Variants in DPYD observed in about 807,000 individuals in gnomAD.
DPYD encodes dihydropyrimidine dehydrogenase [NADP(+)].
DPYD carries 109 observed loss-of-function variants against 116.2 expected under a neutral mutation model. The observed-to-expected ratio is 0.94, with a 90% CI of 0.80 to 1.10. The LOEUF is 1.10. DPYD is among the 50% of genes least tolerant of loss of function. The pLI is 0.00. For synonymous variants in DPYD, 440 were observed against 432.0 expected, an observed-to-expected ratio of 1.02 and a Z score of -0.23; for missense variants, 1,302 against 1,254.5, an observed-to-expected ratio of 1.04 and a Z score of -0.57.
intron 18 of DPYD, among the ~76,000 whole-genome samples, chr1:97,277,006 C>A (rs1570407684): frequency 6.6e-6 from 1 of 152,266 alleles, no homozygotes; most frequent in Middle Eastern, 3.4e-3. Flanking sequence ...TACATACACA[C>A]CATGGAATAC....
chr1:97,822,352 A>G (rs1207716179), intron 3 of DPYD, among the ~76,000 whole-genome samples: 1 of 148,064 alleles, frequency 6.8e-6, no homozygotes. Flanking sequence ...TATACTTTAT[A>G]AATTTATAAA....
intron 8 of DPYD, among the ~76,000 whole-genome samples, chr1:97,606,339 C>T (rs1655597039): frequency 6.6e-6 from 1 of 151,766 alleles, no homozygotes; most frequent in South Asian, 2.1e-4. Context: ...GGAAGAAGGA[C>T]ATGTAATAAA....
At chr1:97,860,948 A>AT (rs1362859836) in intron 2 of DPYD, among the ~76,000 whole-genome samples, 1 of 151,974 alleles carries the variant, frequency 6.6e-6, no homozygotes, top group Non-Finnish European at 1.5e-5. Context: ...ATCTTTTGAG[A>AT]TAAAATCTAG....
chr1:97,194,693 CG>C (rs1381963807), intron 19 of DPYD, among the ~76,000 whole-genome samples: 7 of 151,768 alleles, frequency 4.6e-5, no homozygotes, highest in African/African-American at 1.5e-4. Context: ...TTAGTAGGAA[CG>C]GGGTTTCACC....
chr1:97,203,395 T>C (rs1168381690), intron 19 of DPYD, among the ~76,000 whole-genome samples: 2 of 146,298 alleles, frequency 1.4e-5, no homozygotes, highest in Non-Finnish European at 3.0e-5. Context: ...AAATACCAGA[T>C]AGAGTTTGAT....
At chr1:97,094,916 T>G (rs1570444096) in intron 21 of DPYD, among the ~76,000 whole-genome samples, 3 of 152,076 alleles carry the variant, frequency 2.0e-5, no homozygotes, top group Admixed American at 1.3e-4. Flanking sequence ...CTGAACTCAG[T>G]GATTTTCTCA....
chr1:97,353,293 T>C (rs1320174664), intron 16 of DPYD, among the ~76,000 whole-genome samples: 1 of 152,120 alleles, frequency 6.6e-6, no homozygotes, highest in Non-Finnish European at 1.5e-5. Flanking sequence ...GATGGCTTAA[T>C]GATCTACCAT....
chr1:97,221,172 CAGAT>C (rs948806448), intron 19 of DPYD, among the ~76,000 whole-genome samples: 48 of 152,294 alleles, frequency 3.2e-4, no homozygotes, highest in African/African-American at 1.0e-3. Flanking sequence ...AAACTACTCA[CAGAT>C]AGAGCTCAAG....
intron 3 of DPYD, among the ~76,000 whole-genome samples, chr1:97,822,679 C>A (rs1669015693): frequency 6.6e-6 from 1 of 152,104 alleles, no homozygotes. Context: ...TTTCAATCCT[C>A]TGAGAATGTG....
chr1:97,740,331 G>GATT, intron 4 of DPYD, 61 bp downstream of exon 4: 3 of 1,389,652 alleles, frequency 2.2e-6, no homozygotes. Flanking sequence ...TGTACCCACA[G>GATT]ATAATAGAGA....
At position 97,485,980 on chromosome 1, in the gene DPYD, G is replaced by A. The variant is rs1293030554; in HGVS notation, c.1740+29746C>T. On this transcript the variant is annotated intron_variant, in intron 13 of 22. Transcript: ENST00000370192. ...TATTGCAATATTGACATGGAATAGAGATTGGGAGAATAAGTATGAAGTATG... is the reference window on the plus strand; with the variant it reads ...TATTGCAATATTGACATGGAATAGAAATTGGGAGAATAAGTATGAAGTATG... 1.1e-4 allele frequency among the ~76,000 whole-genome samples: 16 copies of A among 152,150 alleles called. 1 individual carries two copies. Among genetic ancestry groups the A allele is most frequent in the Non-Finnish European group, 2.4e-4 (16 of 68,022 alleles).
intron 1 of DPYD, among the ~76,000 whole-genome samples, chr1:97,887,090 A>G (rs1571532403): frequency 6.6e-6 from 1 of 152,202 alleles, no homozygotes. Flanking sequence ...TGATAAAACC[A>G]GGGACACCCA....
chr1:97,305,218 A>G (rs1423359349), intron 18 of DPYD, 41 bp downstream of exon 18: 1 of 1,611,156 alleles, frequency 6.2e-7, no homozygotes, highest in East Asian at 2.2e-5. Flanking sequence ...TTTTTCAGCA[A>G]CCTCCAAGAA....
intron 16 of DPYD, among the ~76,000 whole-genome samples, chr1:97,331,701 AC>A (rs1669018724): frequency 6.6e-6 from 1 of 152,204 alleles, no homozygotes; most frequent in South Asian, 2.1e-4. Flanking sequence ...AAGTATTATA[AC>A]ATTTAGCTTT....
At chr1:97,750,112 T>C (rs1226534898) in intron 3 of DPYD, among the ~76,000 whole-genome samples, 2 of 152,242 alleles carry the variant, frequency 1.3e-5, no homozygotes, top group African/African-American at 2.4e-5. Context: ...AAAAAACTAA[T>C]ATATATTTTT....
Position 97,766,467 on chromosome 1 carries a change from G to A in DPYD, c.234-25988C>T, listed in dbSNP as rs146940344. Reference sequence around the variant, plus strand: ...ATATAGAGAGGCCAAGGATTGCTGAGTTGGAAAATAAAATTGTTTTTCCTT... The same window carrying A: ...ATATAGAGAGGCCAAGGATTGCTGAATTGGAAAATAAAATTGTTTTTCCTT... On this transcript the variant is annotated intron_variant, in intron 3 of 22. Transcript: ENST00000370192. 8.5e-3 allele frequency among the ~76,000 whole-genome samples: 1,291 copies of A among 152,152 alleles called. 15 individuals carry two copies. The highest frequency in any genetic ancestry group is 0.029 in the African/African-American group (1,188 of 41,528).
intron 1 of DPYD, among the ~76,000 whole-genome samples, chr1:97,885,664 T>C (rs893849970): frequency 2.0e-5 from 3 of 152,054 alleles, no homozygotes; most frequent in Non-Finnish European, 4.4e-5. Flanking sequence ...CAGCTACTAC[T>C]CTCTCAATAC....
intron 16 of DPYD, among the ~76,000 whole-genome samples, chr1:97,334,486 C>G (rs1252606013): frequency 7.2e-6 from 1 of 139,700 alleles, no homozygotes; most frequent in Non-Finnish European, 1.6e-5. Context: ...AAAACAATAG[C>G]AGAATTACGG....
At chr1:97,313,822 T>C (rs1273588885) in intron 16 of DPYD, among the ~76,000 whole-genome samples, 1 of 151,924 alleles carries the variant, frequency 6.6e-6, no homozygotes, top group African/African-American at 2.4e-5. Flanking sequence ...AGTCATCTTC[T>C]CTGTTCCATA....
Sources: allele counts gnomAD v4.1 joint callset (sites outside exome capture counted in the v4.1 genomes callset), GRCh38; gene constraint gnomAD v4.1.1; transcripts MANE v1.5; gene names NCBI Gene and HGNC (gene_info 2026-07-23, HGNC 2026-07-21).